PCDHA6: variants seen among roughly 807,000 people sequenced by gnomAD.
The protein encoded by PCDHA6 is protocadherin alpha 6.
In PCDHA6, 55 loss-of-function variants were observed where a neutral mutation model predicts 60.3. That is an observed-to-expected ratio of 0.91 (90% confidence interval 0.73 to 1.14). The LOEUF is 1.14. Ranked by LOEUF, PCDHA6 falls within the 50% of genes most tolerant of loss-of-function variation. The pLI, the probability that PCDHA6 is intolerant of heterozygous loss-of-function variation, is 0.00. For missense variants in PCDHA6, 1,327 were observed against 1,256.5 expected (o/e 1.06, Z -0.85); for synonymous variants, 652 against 557.9 (o/e 1.17, Z -2.38).
intron 1 of PCDHA6, chr5:140,850,986 T>C (rs2041915451): frequency 6.9e-7 from 1 of 1,450,124 alleles, no homozygotes; most frequent in South Asian, 1.6e-5. Context: ...TTTATTCATT[T>C]TTCTAGAAAT....
intron 1 of PCDHA6, chr5:140,855,829 C>A: frequency 1.8e-6 from 1 of 560,298 alleles, no homozygotes; most frequent in East Asian, 2.9e-5. Flanking sequence ...CTCATGGAAT[C>A]GTACTTACAC....
At chr5:140,938,535 T>C (rs1213072173) in intron 1 of PCDHA6, among the ~76,000 whole-genome samples, 2 of 140,516 alleles carry the variant, frequency 1.4e-5, no homozygotes, top group African/African-American at 2.6e-5. Flanking sequence ...ATGGATAATA[T>C]GGATTTTTAT....
intron 1 of PCDHA6, chr5:140,870,136 A>G: frequency 6.2e-7 from 1 of 1,614,024 alleles, no homozygotes; most frequent in Non-Finnish European, 8.5e-7. Flanking sequence ...CACCAACGAT[A>G]ACTCTCCTGA....
chr5:140,899,846 C>T (rs1554188760), intron 1 of PCDHA6, among the ~76,000 whole-genome samples: 1 of 152,142 alleles, frequency 6.6e-6, no homozygotes, highest in African/African-American at 2.4e-5. Flanking sequence ...CTTGCTGTGT[C>T]ACCCAGGCTG....
intron 1 of PCDHA6, among the ~76,000 whole-genome samples, chr5:140,881,790 G>T (rs2058832674): frequency 6.6e-6 from 1 of 152,164 alleles, no homozygotes; most frequent in Non-Finnish European, 1.5e-5. Context: ...CCGATCAATT[G>T]TCCCAAAACG....
intron 1 of PCDHA6, among the ~76,000 whole-genome samples, chr5:140,951,536 C>T (rs1260106126): frequency 2.0e-5 from 3 of 151,914 alleles, no homozygotes; most frequent in Admixed American, 6.6e-5. Flanking sequence ...GGTGCAGGAG[C>T]AAGGGACGGG....
chr5:140,843,159 C>T lies in PCDHA6; in HGVS notation c.2394+12674C>T. 5 of 1,596,084 alleles carry T rather than the reference C, an allele frequency of 3.1e-6. 1 individual carries two copies. The highest frequency in any genetic ancestry group is 4.3e-6 in the Non-Finnish European group (5 of 1,165,594). On this transcript the variant is annotated intron_variant, in intron 1 of 3. Coordinates refer to ENST00000529310, the MANE Select transcript of PCDHA6 (RefSeq NM_018909.4). ...GCGTGGCTTTCGTATGAGCTGCAGC[C>T]AGCTGCAAGCAGCCCTCGCATCCCG...
At chr5:140,972,660 ATTTTT>A (rs11350929) in intron 1 of PCDHA6, among the ~76,000 whole-genome samples, 2 of 117,266 alleles carry the variant, frequency 1.7e-5, no homozygotes, top group African/African-American at 3.3e-5. Flanking sequence ...AAGAAACCAA[ATTTTT>A]TTTTTTTTTT....
intron 1 of PCDHA6, chr5:140,871,033 C>T (rs201299652): frequency 1.2e-6 from 2 of 1,613,234 alleles, no homozygotes; most frequent in East Asian, 2.2e-5. Context: ...CTCGCCGCGC[C>T]ACCGACTTCT....
At chr5:140,921,832 A>G (rs1276240870) in intron 1 of PCDHA6, among the ~76,000 whole-genome samples, 1 of 152,120 alleles carries the variant, frequency 6.6e-6, no homozygotes, top group African/African-American at 2.4e-5. Flanking sequence ...CTATACACAT[A>G]TAGACATATT....
chr5:140,869,229 C>G, intron 1 of PCDHA6: 1 of 1,613,752 alleles, frequency 6.2e-7, no homozygotes, highest in Non-Finnish European at 8.5e-7. Context: ...CCAAACACGG[C>G]ACCTTCGTGG....
rs545348313 is a variant in PCDHA6, at chr5:140,968,526, C to T, written c.2395-10423C>T. ...ATTCTGTACCCTACCTCAACCAACTCGTCAGCAGCCTTCGAGATGGTGCCT... is the reference window on the plus strand; with the variant it reads ...ATTCTGTACCCTACCTCAACCAACTTGTCAGCAGCCTTCGAGATGGTGCCT... On this transcript the variant is annotated intron_variant, in intron 1 of 3. Transcript: ENST00000529310. 9.9e-6 allele frequency: 16 copies of T among 1,614,200 alleles called. No individual in the cohort carries two copies. The Admixed American group carries it at 1.3e-4, about 13-fold the overall frequency.
chr5:140,828,467 A>G lies in PCDHA6; in HGVS notation c.376A>G (p.Ile126Val), dbSNP rs2150155619. Residue 126 changes from isoleucine (I) to valine (V), a missense_variant, in exon 1 of 4, where the codon ATT (isoleucine) becomes GTT (valine). Coordinates refer to ENST00000529310, the MANE Select transcript of PCDHA6 (RefSeq NM_018909.4). The part of the protein sequence containing the change: ...VFHVDVEVRD[I>V]NDNPPLFPVE... ...CCATGTGGACGTGGAGGTGAGGGAC[A>G]TTAACGACAACCCGCCCTTGTTCCC... The G allele has an allele frequency of 6.2e-7, 1 of 1,614,224 alleles. No individual in the cohort carries two copies. Among genetic ancestry groups the G allele is most frequent in the African/African-American group, 1.3e-5 (1 of 75,070 alleles).
intron 1 of PCDHA6, chr5:140,843,117 C>T: frequency 6.3e-7 from 1 of 1,595,860 alleles, no homozygotes; most frequent in Non-Finnish European, 8.6e-7. Context: ...GCAGTGGACG[C>T]CGACTCGGGC....
intron 1 of PCDHA6, chr5:140,852,259 C>G: frequency 2.0e-6 from 1 of 509,052 alleles, no homozygotes; most frequent in Non-Finnish European, 2.6e-6. Flanking sequence ...TTGGAATATG[C>G]TACAATATTA....
chr5:140,878,420 A>G (rs2057587520), intron 1 of PCDHA6, among the ~76,000 whole-genome samples: 1 of 152,236 alleles, frequency 6.6e-6, no homozygotes, highest in African/African-American at 2.4e-5. Flanking sequence ...TATTTCAAGT[A>G]GGAATAGATA....
At position 140,835,699 on chromosome 5, in the gene PCDHA6, C is replaced by G. The variant is rs146607016; in HGVS notation, c.2394+5214C>G. 306 of 1,613,916 alleles carry G rather than the reference C, an allele frequency of 1.9e-4. 1 individual carries two copies. In the African/African-American group the frequency reaches 3.5e-3, roughly 18 times the overall value. ...GGCTCGCCTTCTCTGTGGGCCACTG[C>G]TAGCGTGTCCGTGGAGGTGGCCGAC... On this transcript the variant is annotated intron_variant, in intron 1 of 3. Coordinates refer to ENST00000529310, the MANE Select transcript of PCDHA6 (RefSeq NM_018909.4).
At chr5:140,984,704 G>A (rs2097116148) in intron 3 of PCDHA6, among the ~76,000 whole-genome samples, 1 of 152,032 alleles carries the variant, frequency 6.6e-6, no homozygotes, top group Non-Finnish European at 1.5e-5. Flanking sequence ...CTGCTTGGAG[G>A]GAATATGGCA....
chr5:140,975,707 A>G (rs1445809800), intron 1 of PCDHA6, among the ~76,000 whole-genome samples: 1 of 152,204 alleles, frequency 6.6e-6, no homozygotes, highest in East Asian at 1.9e-4. Context: ...ATTTTACTTT[A>G]AATCTTAGAA....
Sources: gnomAD v4.1 joint callset for allele counts (sites outside exome capture counted in the v4.1 genomes callset) on GRCh38, gnomAD v4.1.1 for gene constraint, MANE v1.5 for transcripts, NCBI Gene and HGNC (gene_info 2026-07-23, HGNC 2026-07-21) for gene names.